Variants in MGAT4C observed in about 807,000 individuals in gnomAD.
The protein encoded by MGAT4C is alpha-1,3-mannosyl-glycoprotein 4-beta-N-acetylglucosaminyltransferase C.
A neutral mutation model predicts 40.1 loss-of-function variants in MGAT4C; 19 were observed. The observed-to-expected ratio is 0.47, with a 90% CI of 0.33 to 0.70. MGAT4C has a LOEUF of 0.70. Among genes scored for constraint, MGAT4C ranks in the 30% least tolerant of loss-of-function variants. The probability of loss-of-function intolerance (pLI) is 0.02; values close to 1 mark genes in which losing one functional copy is unlikely to be tolerated. For synonymous variants in MGAT4C, 181 were observed against 187.1 expected, an observed-to-expected ratio of 0.97 and a Z score of 0.27; for missense variants, 491 against 563.2, an observed-to-expected ratio of 0.87 and a Z score of 1.30.
intron 2 of MGAT4C, among the ~76,000 whole-genome samples, chr12:86,481,392 T>C (rs1957934668): frequency 6.6e-6 from 1 of 152,064 alleles, no homozygotes; most frequent in South Asian, 2.1e-4. Flanking sequence ...GCAGTGTGCA[T>C]TGACACAACC....
chr12:86,755,932 G>A (rs1349947988), intron 1 of MGAT4C, among the ~76,000 whole-genome samples: 1 of 151,884 alleles, frequency 6.6e-6, no homozygotes, highest in African/African-American at 2.4e-5. Context: ...ACAGATGTGA[G>A]TCACCACACC....
At chr12:86,537,115 G>A (rs532351254) in intron 2 of MGAT4C, among the ~76,000 whole-genome samples, 11 of 151,418 alleles carry the variant, frequency 7.3e-5, no homozygotes, top group Admixed American at 2.0e-4. Context: ...GCAAACTATC[G>A]CAAGGACAAA....
At chr12:86,802,441 T>C (rs924727827) in intron 1 of MGAT4C, among the ~76,000 whole-genome samples, 3 of 152,008 alleles carry the variant, frequency 2.0e-5, no homozygotes, top group African/African-American at 7.2e-5. Flanking sequence ...AGTTTGAAAA[T>C]GATCATTCAT....
intron 1 of MGAT4C, among the ~76,000 whole-genome samples, chr12:86,175,795 CAAAAAAAAA>C (rs61441239): frequency 1.2e-4 from 10 of 83,644 alleles, no homozygotes; most frequent in African/African-American, 4.0e-4. Flanking sequence ...ACTAAAAATA[CAAAAAAAAA>C]AAAAAAAAAA....
intron 2 of MGAT4C, among the ~76,000 whole-genome samples, chr12:86,563,182 C>T (rs1235678031): frequency 1.3e-5 from 2 of 152,258 alleles, no homozygotes; most frequent in East Asian, 1.9e-4. Flanking sequence ...TCTCTGCATG[C>T]CAGATCTAAC....
At chr12:86,398,283 T>C (rs570061546) in intron 3 of MGAT4C, among the ~76,000 whole-genome samples, 1 of 152,292 alleles carries the variant, frequency 6.6e-6, no homozygotes, top group Admixed American at 6.5e-5. Context: ...CCTTGATATG[T>C]AGCCACATCA....
At chr12:86,134,500 C>A (rs1391963271) in intron 1 of MGAT4C, among the ~76,000 whole-genome samples, 1 of 152,044 alleles carries the variant, frequency 6.6e-6, no homozygotes, top group Non-Finnish European at 1.5e-5. Context: ...CCTTCATCCA[C>A]CAGTTTTTAA....
chr12:86,044,651 ATCT>A (rs1892212661), intron 2 of MGAT4C, among the ~76,000 whole-genome samples: 1 of 152,052 alleles, frequency 6.6e-6, no homozygotes, highest in African/African-American at 2.4e-5. Flanking sequence ...GCAGCAGCCG[ATCT>A]GCTGGAGCTC....
intron 4 of MGAT4C, among the ~76,000 whole-genome samples, chr12:86,269,013 CATAT>C (rs60328579): frequency 0.038 from 2,814 of 73,818 alleles, 56 homozygotes; most frequent in East Asian, 0.06. Context: ...TTCATACTTA[CATAT>C]ATATATATAT....
intron 2 of MGAT4C, among the ~76,000 whole-genome samples, chr12:86,628,415 G>T (rs577635632): frequency 6.6e-6 from 1 of 152,038 alleles, no homozygotes; most frequent in African/African-American, 2.4e-5. Flanking sequence ...GATACTCCTC[G>T]AGAAGAGCAA....
intron 3 of MGAT4C, among the ~76,000 whole-genome samples, chr12:86,410,349 C>T (rs949000582): frequency 1.3e-5 from 2 of 152,046 alleles, no homozygotes; most frequent in African/African-American, 4.8e-5. Context: ...TTATAGACCA[C>T]CCCCTAGGAA....
chr12:86,722,135 C>A (rs1473226973), intron 2 of MGAT4C, among the ~76,000 whole-genome samples: 1 of 152,070 alleles, frequency 6.6e-6, no homozygotes, highest in African/African-American at 2.4e-5. Context: ...TGGTTCTGTT[C>A]TCCCAGCAGT....
chr12:86,751,294 G>A (rs545690728), intron 1 of MGAT4C, among the ~76,000 whole-genome samples: 20 of 151,966 alleles, frequency 1.3e-4, no homozygotes, highest in Non-Finnish European at 2.1e-4. Context: ...CCATGTGGTC[G>A]TAGAAATTTT....
intron 1 of MGAT4C, among the ~76,000 whole-genome samples, chr12:86,235,313 CTG>C: frequency 6.6e-6 from 1 of 152,046 alleles, no homozygotes; most frequent in African/African-American, 2.4e-5. Flanking sequence ...ACTGATATAT[CTG>C]TTTTAAGATT....
At chr12:85,981,843 G>GC (rs1048032783) in intron 4 of MGAT4C, among the ~76,000 whole-genome samples, 20 of 152,214 alleles carry the variant, frequency 1.3e-4, no homozygotes, top group African/African-American at 4.8e-4. Flanking sequence ...CTGGTAGAAA[G>GC]CAGTTGGCAT....
At chr12:86,216,349 C>A (rs1317464320) in intron 1 of MGAT4C, among the ~76,000 whole-genome samples, 1 of 152,108 alleles carries the variant, frequency 6.6e-6, no homozygotes, top group Admixed American at 6.5e-5. Context: ...AAGATTACCA[C>A]ATCAAAAGCT....
intron 1 of MGAT4C, among the ~76,000 whole-genome samples, chr12:86,800,827 G>A (rs905454395): frequency 6.6e-6 from 1 of 151,712 alleles, no homozygotes; most frequent in Non-Finnish European, 1.5e-5. Context: ...TCTCCACTAG[G>A]CCCCAACCTC....
intron 2 of MGAT4C, among the ~76,000 whole-genome samples, chr12:86,593,454 T>C (rs978258773): frequency 3.3e-5 from 5 of 152,086 alleles, no homozygotes; most frequent in Non-Finnish European, 5.9e-5. Flanking sequence ...ATGCCAAGGG[T>C]TGAAGTTTAG....
chr12:86,287,881 A>T (rs556262872), intron 4 of MGAT4C, among the ~76,000 whole-genome samples: 22 of 152,252 alleles, frequency 1.4e-4, no homozygotes, highest in Admixed American at 5.2e-4. Context: ...GGGATTGCTG[A>T]GTCAAATGGT....
Sources: gnomAD v4.1 joint callset for allele counts (sites outside exome capture counted in the v4.1 genomes callset) on GRCh38, gnomAD v4.1.1 for gene constraint, MANE v1.5 for transcripts, NCBI Gene and HGNC (gene_info 2026-07-23, HGNC 2026-07-21) for gene names.